The following ADCY9 variants were observed in gnomAD, a reference collection of about 807,000 sequenced individuals.
ADCY9 encodes adenylate cyclase 9.
ADCY9 carries 50 observed loss-of-function variants against 101.5 expected under a neutral mutation model. The observed-to-expected ratio is 0.49, with a 90% confidence interval of 0.39 to 0.62. The LOEUF is 0.62. Ranked by LOEUF, ADCY9 falls within the 20% of genes least tolerant of loss-of-function variation. ADCY9 has a pLI of 0.00. For synonymous variants in ADCY9, 905 were observed against 769.3 expected, an observed-to-expected ratio of 1.18 and a Z score of -2.92; for missense variants, 1,662 against 1,800.4, an observed-to-expected ratio of 0.92 and a Z score of 1.39.
chr16:3,956,503 T>TTTTTTTTTTTTTGG lies in ADCY9; in HGVS notation c.568-2988_568-2987insCCAAAAAAAAAAAA, dbSNP rs55792938. Among the ~76,000 whole-genome samples the TTTTTTTTTTTTTGG allele has an allele frequency of 2.9e-4, 20 of 69,482 alleles. 1 individual carries two copies. Among genetic ancestry groups the TTTTTTTTTTTTTGG allele is most frequent in the Admixed American group, 2.8e-4 (2 of 7,218 alleles). 45.6% of individuals were successfully genotyped at this position (69,482 alleles called of 152,430 possible). ...GCGCAATGAGCTTTTTTTTTTTTTT[T>TTTTTTTTTTTTTGG]GGGGGGGGATGGAGTCTCCCTCTGT... On this transcript the variant is annotated intron_variant, in intron 5 of 5. Coordinates refer to the ADCY9 transcript ENST00000576936.
At chr16:4,046,629 A>G (rs1286387090) in intron 2 of ADCY9, among the ~76,000 whole-genome samples, 1 of 152,318 alleles carries the variant, frequency 6.6e-6, no homozygotes, top group African/African-American at 2.4e-5. Flanking sequence ...ACTTAAATCT[A>G]GTAATTGTGC....
intron 2 of ADCY9, among the ~76,000 whole-genome samples, chr16:4,103,946 A>C (rs2057060101): frequency 6.6e-6 from 1 of 152,222 alleles, no homozygotes; most frequent in Non-Finnish European, 1.5e-5. Flanking sequence ...TGAAATGAGA[A>C]GCACGCCTAC....
rs1167457528 is a variant in ADCY9 at position 3,962,871 on chromosome 16, G to T, written c.*2904C>A. The T allele has an allele frequency of 1.3e-5, 2 of 152,298 alleles. No homozygotes were observed. The highest frequency in any genetic ancestry group is 4.8e-5 in the African/African-American group (2 of 41,338). The allele number at this position is 152,298 out of a possible 1,614,324, so 9.4% of individuals were successfully genotyped here. On this transcript the variant is annotated 3_prime_UTR_variant, in exon 11 of 11. Transcript: ENST00000294016. ...AAAATCTAGAAATTCAAATGCAGAC[G>T]TGTCTTTGGAAACTACAAATGATTA...
At chr16:4,075,234 G>A (rs2056859627) in intron 2 of ADCY9, among the ~76,000 whole-genome samples, 1 of 151,786 alleles carries the variant, frequency 6.6e-6, no homozygotes, top group Non-Finnish European at 1.5e-5. Context: ...CGCCTCCCGG[G>A]TTCAAGCAAT....
chr16:4,010,627 G>A (rs968977267), intron 2 of ADCY9, among the ~76,000 whole-genome samples: 5 of 152,238 alleles, frequency 3.3e-5, no homozygotes, highest in African/African-American at 7.2e-5. Flanking sequence ...ACCTGAAGAG[G>A]GGCCAAGAGG....
chr16:4,016,932 C>G (rs766689949), intron 2 of ADCY9, among the ~76,000 whole-genome samples: 19 of 152,138 alleles, frequency 1.2e-4, no homozygotes, highest in Non-Finnish European at 5.9e-5. Flanking sequence ...ATACTAAAAA[C>G]CACCAAATCA....
At chr16:4,094,390 T>C (rs1427601769) in intron 2 of ADCY9, among the ~76,000 whole-genome samples, 1 of 152,168 alleles carries the variant, frequency 6.6e-6, no homozygotes, top group African/African-American at 2.4e-5. Context: ...CAGAACCAAG[T>C]AGTGTTTTCC....
intron 2 of ADCY9, among the ~76,000 whole-genome samples, chr16:4,083,760 G>A (rs545471920): frequency 3.5e-4 from 53 of 152,302 alleles, no homozygotes; most frequent in African/African-American, 1.2e-3. Flanking sequence ...AGTCATGAAG[G>A]GCCACATATG....
At chr16:4,046,346 A>G (rs1418547170) in intron 2 of ADCY9, among the ~76,000 whole-genome samples, 2 of 151,762 alleles carry the variant, frequency 1.3e-5, no homozygotes, top group Non-Finnish European at 2.9e-5. Flanking sequence ...TATATTCGTC[A>G]CCATATGTTG....
chr16:4,019,986 A>G (rs8056142), intron 2 of ADCY9, among the ~76,000 whole-genome samples: 129,338 of 152,032 alleles, frequency 0.85, 55,711 homozygotes, highest in Non-Finnish European at 0.93. Context: ...GCTGAGGCAT[A>G]AGAATCACTT....
At chr16:3,971,678 C>G (rs2056053218) in intron 10 of ADCY9, among the ~76,000 whole-genome samples, 1 of 152,080 alleles carries the variant, frequency 6.6e-6, no homozygotes, top group African/African-American at 2.4e-5. Context: ...TTTGTGAGCC[C>G]CGCTCGTTGG....
chr16:4,016,977 T>C (rs1405748309), intron 2 of ADCY9, among the ~76,000 whole-genome samples: 1 of 152,174 alleles, frequency 6.6e-6, no homozygotes, highest in Non-Finnish European at 1.5e-5. Flanking sequence ...CATATGTGAA[T>C]TATACGTCAA....
chr16:4,003,139 A>G (rs1251536908), intron 3 of ADCY9, among the ~76,000 whole-genome samples: 1 of 152,118 alleles, frequency 6.6e-6, no homozygotes, highest in African/African-American at 2.4e-5. Flanking sequence ...TGGAGCGCTG[A>G]CGTCACATTC....
chr16:4,093,474 C>T (rs2056985371), intron 2 of ADCY9, among the ~76,000 whole-genome samples: 1 of 152,148 alleles, frequency 6.6e-6, no homozygotes, highest in Non-Finnish European at 1.5e-5. Context: ...AGGAAAACGT[C>T]TGGACACTAG....
In ADCY9 at chr16:4,115,619, C is replaced by T. The variant is rs888406232; in HGVS notation, c.-44+71G>A. The T allele has an allele frequency of 1.9e-5, 14 of 755,120 alleles. No homozygotes were observed. The Admixed American group carries it at 2.1e-4, about 11-fold the overall frequency. 46.8% of individuals were successfully genotyped at this position (755,120 alleles called of 1,614,324 possible). A position where few individuals can be genotyped will look rare whatever the true frequency, so the allele number is the denominator to read the frequency against. ...AGGCACCATCTGTTCCTGTGGTTCC[C>T]GGCTCAGCGGTGCTCCCACCGCCCC... On this transcript the variant is annotated intron_variant, in intron 1 of 10. Coordinates refer to ENST00000294016, the MANE Select transcript of ADCY9 (RefSeq NM_001116.4). The surrounding 1 kb of genome is among the most constrained non-coding windows in gnomAD (Gnocchi z 6.2).
intron 2 of ADCY9, among the ~76,000 whole-genome samples, chr16:4,020,385 A>G (rs1229449647): frequency 1.3e-5 from 2 of 152,208 alleles, no homozygotes; most frequent in Non-Finnish European, 2.9e-5. Flanking sequence ...AGTCATAAGA[A>G]CTACTAAAAG....
intron 2 of ADCY9, among the ~76,000 whole-genome samples, chr16:4,033,360 C>T (rs4786456): frequency 0.14 from 21,168 of 151,736 alleles, 1,790 homozygotes; most frequent in African/African-American, 0.22. Context: ...GCAAGATTCC[C>T]GATTCCAAAT....
chr16:4,041,811 G>T (rs937232108), intron 2 of ADCY9, among the ~76,000 whole-genome samples: 1 of 150,332 alleles, frequency 6.7e-6, no homozygotes, highest in Admixed American at 6.6e-5. Context: ...GAGTACGGTG[G>T]AGTAATCACA....
chr16:3,998,435 G>T (rs1285543284), intron 3 of ADCY9, among the ~76,000 whole-genome samples: 2 of 151,900 alleles, frequency 1.3e-5, no homozygotes, highest in African/African-American at 4.8e-5. Context: ...AAGAAGCCAG[G>T]CGCAGTGGCT....
Sources: gnomAD v4.1 joint callset for allele counts (sites outside exome capture counted in the v4.1 genomes callset) on GRCh38, gnomAD v4.1.1 for gene constraint, Gnocchi (gnomAD v3.1) non-coding constraint, MANE v1.5 for transcripts, NCBI Gene and HGNC (gene_info 2026-07-23, HGNC 2026-07-21) for gene names.